KIF26B: variants seen among roughly 807,000 people sequenced by gnomAD.
KIF26B encodes kinesin family member 26B, also known as kinesin-like protein KIF26B.
In KIF26B, 63 loss-of-function variants were observed where a neutral mutation model predicts 151.2. That is an observed-to-expected ratio of 0.42 (90% CI 0.34 to 0.51). KIF26B has a LOEUF of 0.51. Among genes scored for constraint, KIF26B ranks in the 20% least tolerant of loss-of-function variants. The pLI, the probability that KIF26B is intolerant of heterozygous loss-of-function variation, is 0.07. For synonymous variants in KIF26B, 1,357 were observed against 1,262.1 expected, an observed-to-expected ratio of 1.08 and a Z score of -1.59; for missense variants, 2,813 against 2,913.6, an observed-to-expected ratio of 0.97 and a Z score of 0.79.
rs373451815 is a variant in KIF26B at position 245,591,069 on chromosome 1, C to G, written c.1351-11508C>G. ...ATCCAGGGAAGCAGTGAGGAATGGG[C>G]TCTTACAACACTGTCATGGACATGG... is the stretch of plus-strand genomic sequence containing the variant. On this transcript the variant is annotated intron_variant, in intron 5 of 14. Transcript: ENST00000407071. Among the ~76,000 whole-genome samples, 11 of 152,242 alleles carry G rather than the reference C, an allele frequency of 7.2e-5. No individual in the cohort carries two copies. The East Asian group carries it at 1.7e-3, about 24-fold the overall frequency.
intron 2 of KIF26B, among the ~76,000 whole-genome samples, chr1:245,273,173 G>C (rs1670881051): frequency 6.6e-6 from 1 of 152,008 alleles, no homozygotes; most frequent in Non-Finnish European, 1.5e-5. Flanking sequence ...CAGCACTTTG[G>C]GAGGCCGAGG....
At chr1:245,575,117 G>A (rs532440383) in intron 5 of KIF26B, among the ~76,000 whole-genome samples, 4 of 150,748 alleles carry the variant, frequency 2.7e-5, no homozygotes, top group African/African-American at 9.7e-5. Flanking sequence ...CACCCGCCTC[G>A]GCCTCCCAAA....
intron 5 of KIF26B, among the ~76,000 whole-genome samples, chr1:245,561,937 C>T (rs542778622): frequency 1.5e-4 from 23 of 152,188 alleles, no homozygotes; most frequent in African/African-American, 3.6e-4. Context: ...AGGCTCTTTA[C>T]AGCTTTCTGT....
intron 2 of KIF26B, among the ~76,000 whole-genome samples, chr1:245,226,624 C>A (rs374399338): frequency 1.3e-5 from 2 of 151,988 alleles, no homozygotes; most frequent in Non-Finnish European, 2.9e-5. Flanking sequence ...CCACCACGCC[C>A]GGCTAATTTT....
chr1:245,593,066 A>G (rs2043305584), intron 5 of KIF26B, among the ~76,000 whole-genome samples: 3 of 152,336 alleles, frequency 2.0e-5, no homozygotes, highest in Non-Finnish European at 4.4e-5. Flanking sequence ...TTTCAGTCAT[A>G]TGGAATCAAA....
At chr1:245,610,710 TA>T (rs2043511832) in intron 8 of KIF26B, among the ~76,000 whole-genome samples, 1 of 152,242 alleles carries the variant, frequency 6.6e-6, no homozygotes. Flanking sequence ...AAATGAAGGC[TA>T]AGAAAAAGAA....
At chr1:245,311,898 G>A (rs1349972277) in intron 2 of KIF26B, among the ~76,000 whole-genome samples, 1 of 152,160 alleles carries the variant, frequency 6.6e-6, no homozygotes, top group Non-Finnish European at 1.5e-5. Context: ...CCATTGCACT[G>A]CAGCCTGGGC....
chr1:245,204,014 G>A (rs1052868703), intron 2 of KIF26B, among the ~76,000 whole-genome samples: 6 of 152,162 alleles, frequency 3.9e-5, no homozygotes, highest in Non-Finnish European at 7.3e-5. Context: ...TCCAGAGGAG[G>A]ATAAATCCAT....
chr1:245,363,496 T>A (rs1410290513), intron 2 of KIF26B, among the ~76,000 whole-genome samples: 1 of 152,154 alleles, frequency 6.6e-6, no homozygotes, highest in Non-Finnish European at 1.5e-5. Context: ...ACGCCCGGCC[T>A]CCTTTTCTCT....
chr1:245,194,290 G>A (rs1669156627), intron 2 of KIF26B, among the ~76,000 whole-genome samples: 1 of 152,212 alleles, frequency 6.6e-6, no homozygotes, highest in South Asian at 2.1e-4. Context: ...TGATGCAGGA[G>A]GCAGTTATGG....
At chr1:245,538,837 G>A (rs558024948) in intron 4 of KIF26B, among the ~76,000 whole-genome samples, 1 of 152,244 alleles carries the variant, frequency 6.6e-6, no homozygotes, top group South Asian at 2.1e-4. Flanking sequence ...GCTGAGCAGA[G>A]GTGTGTGCGG....
chr1:245,434,401 C>T (rs941120627), intron 4 of KIF26B, among the ~76,000 whole-genome samples: 6 of 152,212 alleles, frequency 3.9e-5, no homozygotes, highest in African/African-American at 1.4e-4. Flanking sequence ...AGCTGGGCTG[C>T]AAGAACCTCC....
At chr1:245,483,662 A>G (rs558858966) in intron 4 of KIF26B, among the ~76,000 whole-genome samples, 3 of 152,068 alleles carry the variant, frequency 2.0e-5, no homozygotes, top group Admixed American at 6.5e-5. Flanking sequence ...ACACGTATGC[A>G]TGAAGGGCGT....
At chr1:245,480,007 T>C (rs572085282) in intron 4 of KIF26B, among the ~76,000 whole-genome samples, 3 of 152,010 alleles carry the variant, frequency 2.0e-5, no homozygotes, top group Admixed American at 2.0e-4. Context: ...CTCACACTTA[T>C]AATCCCAACA....
At chr1:245,612,071 TGTG>T in intron 9 of KIF26B, 95 bp downstream of exon 9, 1 of 599,422 alleles carries the variant, frequency 1.7e-6, no homozygotes, top group Middle Eastern at 4.1e-4. Context: ...TGTGTGTGTG[TGTG>T]TGTGTGTGTG....
chr1:245,232,774 TC>T (rs1670024845), intron 2 of KIF26B, among the ~76,000 whole-genome samples: 1 of 152,174 alleles, frequency 6.6e-6, no homozygotes, highest in Admixed American at 6.5e-5. Context: ...GGTCTCGAAC[TC>T]CCGACCTCAG....
At chr1:245,177,665 GGTGTGTGTGT>G (rs111597803) in intron 2 of KIF26B, among the ~76,000 whole-genome samples, 4 of 149,150 alleles carry the variant, frequency 2.7e-5, no homozygotes, top group African/African-American at 4.9e-5. Flanking sequence ...TGTCCTTAGG[GGTGTGTGTGT>G]GTGTGTGTGT....
chr1:245,604,999 C>T (rs1470447193), intron 6 of KIF26B, among the ~76,000 whole-genome samples: 1 of 152,142 alleles, frequency 6.6e-6, no homozygotes, highest in African/African-American at 2.4e-5. Flanking sequence ...CTGGATTCCC[C>T]CCGTTAACCT....
intron 3 of KIF26B, among the ~76,000 whole-genome samples, chr1:245,398,911 A>G (rs931579949): frequency 2.0e-5 from 3 of 152,144 alleles, no homozygotes; most frequent in Non-Finnish European, 2.9e-5. Flanking sequence ...ACCATTTGTG[A>G]GTAAGATGCG....
Sources: gnomAD v4.1 joint callset for allele counts (sites outside exome capture counted in the v4.1 genomes callset) on GRCh38, gnomAD v4.1.1 for gene constraint, MANE v1.5 for transcripts, NCBI Gene and HGNC (gene_info 2026-07-23, HGNC 2026-07-21) for gene names.